The following ERAP1 variants were observed in gnomAD, a reference collection of about 807,000 sequenced individuals.
ERAP1 encodes adipocyte-derived leucine aminopeptidase.
ERAP1 carries 86 observed loss-of-function variants against 103.7 expected under a neutral mutation model. That is an observed-to-expected ratio of 0.83 (90% CI 0.70 to 0.99). ERAP1 has a LOEUF of 0.99. ERAP1 is among the 50% of genes least tolerant of loss of function. The pLI is 0.00. For synonymous variants in ERAP1, 398 were observed against 402.4 expected, an observed-to-expected ratio of 0.99 and a Z score of 0.13; for missense variants, 1,009 against 1,128.4, an observed-to-expected ratio of 0.89 and a Z score of 1.52.
At chr5:96,933,909 T>C in the ERAP1 span, among the ~76,000 whole-genome samples, 2 of 152,220 alleles carry the variant, frequency 1.3e-5, no homozygotes, top group African/African-American at 2.4e-5. Context: ...ATGTCAGTAC[T>C]AGGGGCCAGC....
At chr5:96,897,919 G>A in the ERAP1 span, among the ~76,000 whole-genome samples, 898 of 152,222 alleles carry the variant, frequency 5.9e-3, 16 homozygotes, top group African/African-American at 0.02. Context: ...TTTCATGGCC[G>A]GGTACAATGG....
the ERAP1 span, chr5:96,881,532 T>C: frequency 2.0e-5 from 9 of 453,198 alleles, no homozygotes; most frequent in South Asian, 3.1e-5. Flanking sequence ...TTGTGTTCAA[T>C]TGCCAGTTGG....
chr5:96,874,314 G>A, the ERAP1 span, among the ~76,000 whole-genome samples: 1 of 152,190 alleles, frequency 6.6e-6, no homozygotes, highest in Non-Finnish European at 1.5e-5. Flanking sequence ...TCCATAGCCT[G>A]TTTCTTCATT....
chr5:96,780,434 G>A lies in ERAP1; in HGVS notation c.2659C>T (p.Arg887Trp), dbSNP rs371393983. The A allele has an allele frequency of 1.5e-5, 24 of 1,606,202 alleles. No homozygotes were observed. The highest frequency in any genetic ancestry group is 6.7e-5 in the South Asian group (6 of 89,410). ...GTTNQFSTRT[R>W]LEEVKGFFSS... ...TTTTTTTTTTTTACCTCTTCAAGCC[G>A]TGTTCTTGTGGAGAATTGATTTGTT... Residue 887 changes from arginine to tryptophan, a missense_variant, in exon 18 of 19, where the codon CGG (arginine) becomes TGG (tryptophan). Physicochemically the swap from Arg to Trp is moderately radical, Grantham distance 101. Transcript: ENST00000443439.
the ERAP1 span, among the ~76,000 whole-genome samples, chr5:96,933,217 T>C: frequency 7.4e-6 from 1 of 135,600 alleles, no homozygotes; most frequent in Non-Finnish European, 1.6e-5. Context: ...ACGTCTTTTT[T>C]TTTTTTTTTT....
chr5:96,828,014 T>C, the ERAP1 span, among the ~76,000 whole-genome samples: 1 of 152,246 alleles, frequency 6.6e-6, no homozygotes. Context: ...TTAAAGCTAT[T>C]GTGATAAACT....
the ERAP1 span, among the ~76,000 whole-genome samples, chr5:96,853,536 A>T: frequency 1.2e-4 from 18 of 152,232 alleles, no homozygotes; most frequent in African/African-American, 4.3e-4. Flanking sequence ...ACTGGGAGAT[A>T]TAAAAGCAGC....
chr5:96,898,014 C>A, the ERAP1 span, among the ~76,000 whole-genome samples: 1 of 152,072 alleles, frequency 6.6e-6, no homozygotes, highest in Non-Finnish European at 1.5e-5. Flanking sequence ...CTGGCCAATT[C>A]GTGGAACCCC....
chr5:96,769,532 A>G (rs1771460335), downstream of ERAP1: 1 of 152,126 alleles, frequency 6.6e-6, no homozygotes, highest in African/African-American at 2.4e-5. Flanking sequence ...AAATAATAAA[A>G]TGGTTACTGT....
chr5:96,909,703 C>T, the ERAP1 span: 1 of 1,614,206 alleles, frequency 6.2e-7, no homozygotes, highest in Non-Finnish European at 8.5e-7. Flanking sequence ...GAACCATGCT[C>T]CTTGCATCCA....
At chr5:96,852,129 T>C in the ERAP1 span, among the ~76,000 whole-genome samples, 1 of 152,252 alleles carries the variant, frequency 6.6e-6, no homozygotes, top group African/African-American at 2.4e-5. Flanking sequence ...TAAACTTGAT[T>C]CACTTCTAAA....
chr5:96,815,573 G>A, the ERAP1 span, among the ~76,000 whole-genome samples: 3 of 151,884 alleles, frequency 2.0e-5, no homozygotes, highest in South Asian at 2.1e-4. Context: ...CACCACATCC[G>A]GCTAATTTTT....
chr5:96,839,682 G>A, the ERAP1 span, among the ~76,000 whole-genome samples: 1 of 152,056 alleles, frequency 6.6e-6, no homozygotes, highest in African/African-American at 2.4e-5. Context: ...TTCACTCCCT[G>A]CTCAGAGGGA....
chr5:96,784,835 T>C (rs984806297), intron 13 of ERAP1: 1 of 152,364 alleles, frequency 6.6e-6, no homozygotes, highest in Non-Finnish European at 1.5e-5. Flanking sequence ...AGAGGGTTAG[T>C]GTTAAAAACC....
At chr5:96,901,503 C>G in the ERAP1 span, 1 of 1,612,908 alleles carries the variant, frequency 6.2e-7, no homozygotes, top group Non-Finnish European at 8.5e-7. Context: ...CCTGTCATTT[C>G]AGCTCGCCTT....
chr5:96,920,140 T>C, the ERAP1 span, among the ~76,000 whole-genome samples: 1 of 151,222 alleles, frequency 6.6e-6, no homozygotes, highest in Non-Finnish European at 1.5e-5. Flanking sequence ...GCGAAACCGT[T>C]TCCACAAAAA....
chr5:96,884,719 GA>G, the ERAP1 span, among the ~76,000 whole-genome samples: 1 of 151,404 alleles, frequency 6.6e-6, no homozygotes, highest in Admixed American at 6.6e-5. Flanking sequence ...CACTACACCT[GA>G]CTAACTTTTT....
At chr5:96,932,131 A>G in the ERAP1 span, among the ~76,000 whole-genome samples, 2 of 152,180 alleles carry the variant, frequency 1.3e-5, no homozygotes, top group Non-Finnish European at 2.9e-5. Flanking sequence ...GATTTGATAC[A>G]ACTTCAAACA....
chr5:96,921,820 C>A, the ERAP1 span, among the ~76,000 whole-genome samples: 1 of 152,204 alleles, frequency 6.6e-6, no homozygotes, highest in Non-Finnish European at 1.5e-5. Flanking sequence ...ATATTTCAGG[C>A]TCATTCCTCC....
Sources: allele counts gnomAD v4.1 joint callset (sites outside exome capture counted in the v4.1 genomes callset), GRCh38; gene constraint gnomAD v4.1.1; transcripts MANE v1.5; gene names NCBI Gene and HGNC (gene_info 2026-07-23, HGNC 2026-07-21).